ZNF385D: variants seen among roughly 807,000 people sequenced by gnomAD.
ZNF385D encodes the protein zinc finger protein 385D.
In ZNF385D, 15 loss-of-function variants were observed where a neutral mutation model predicts 35.8. The ratio of observed to expected loss-of-function variants is 0.42; its 90% CI spans 0.28 to 0.64. The LOEUF (loss-of-function observed/expected upper bound fraction) is 0.64, where lower values mean the gene tolerates loss of function less well. Among genes scored for constraint, ZNF385D ranks in the 30% least tolerant of loss-of-function variants. The pLI is 0.23. For missense variants in ZNF385D, 474 were observed against 494.6 expected (o/e 0.96, Z 0.39); for synonymous variants, 212 against 186.8 (o/e 1.13, Z -1.10).
Position 21,833,733 on chromosome 3 carries a change from T to C in ZNF385D, c.326-168705A>G, listed in dbSNP as rs185280240. ...ACTTGGAATCAAATGCTACGCTCTATAACTTAGAAATGAAGGACAATAACC... is the reference window on the plus strand; with the variant it reads ...ACTTGGAATCAAATGCTACGCTCTACAACTTAGAAATGAAGGACAATAACC... On this transcript the variant is annotated intron_variant, in intron 3 of 5. Coordinates refer to the ZNF385D transcript ENST00000494108. Among the ~76,000 whole-genome samples the C allele has an allele frequency of 2.0e-5, 3 of 152,284 alleles. No homozygotes were observed. The East Asian group carries it at 5.8e-4, about 29-fold the overall frequency.
At chr3:21,604,231 C>T (rs958565305) in intron 2 of ZNF385D, among the ~76,000 whole-genome samples, 1 of 150,624 alleles carries the variant, frequency 6.6e-6, no homozygotes, top group African/African-American at 2.4e-5. Context: ...ATATGGAGAC[C>T]TATGTTTTTA....
intron 2 of ZNF385D, among the ~76,000 whole-genome samples, chr3:22,308,932 T>C (rs943100498): frequency 3.9e-5 from 6 of 152,098 alleles, no homozygotes; most frequent in Non-Finnish European, 7.4e-5. Flanking sequence ...TGCTTTATAA[T>C]TTAGGAATTT....
chr3:21,898,948 G>T (rs770661104), intron 3 of ZNF385D, among the ~76,000 whole-genome samples: 3 of 152,116 alleles, frequency 2.0e-5, no homozygotes, highest in Admixed American at 1.3e-4. Flanking sequence ...TCATTGGCCA[G>T]AACGGGGTCA....
chr3:22,341,268 C>T (rs754524958), intron 2 of ZNF385D, among the ~76,000 whole-genome samples: 15 of 152,088 alleles, frequency 9.9e-5, no homozygotes, highest in Non-Finnish European at 2.1e-4. Context: ...AATTAGAGTC[C>T]ACAGGCTAAA....
intron 3 of ZNF385D, among the ~76,000 whole-genome samples, chr3:21,558,782 C>T (rs2062833263): frequency 1.3e-5 from 2 of 152,046 alleles, no homozygotes; most frequent in African/African-American, 4.8e-5. Context: ...ATCTAAGTCT[C>T]TTTGTAGGTC....
intron 3 of ZNF385D, among the ~76,000 whole-genome samples, chr3:21,548,267 G>A (rs763511033): frequency 6.6e-6 from 1 of 152,160 alleles, no homozygotes; most frequent in Non-Finnish European, 1.5e-5. Context: ...GGCTGATACT[G>A]TTTCTACCTT....
intron 3 of ZNF385D, among the ~76,000 whole-genome samples, chr3:21,928,285 G>A (rs1198807088): frequency 6.9e-6 from 1 of 145,894 alleles, no homozygotes. Flanking sequence ...AAGAGAGGAA[G>A]GAAGGAAGGA....
chr3:22,361,530 T>A lies in ZNF385D; in HGVS notation c.106+10920A>T, dbSNP rs564977649. Among the ~76,000 whole-genome samples, 15 of 152,196 alleles carry A rather than the reference T, an allele frequency of 9.9e-5. No individual in the cohort carries two copies. The East Asian group carries it at 2.9e-3, about 29-fold the overall frequency. Reference sequence around the variant, plus strand: ...GTTATGAAGCCTATCTTGGAGTACATTTTGAAGCAGTTTTCAAATTAAAGT... The same window carrying A: ...GTTATGAAGCCTATCTTGGAGTACAATTTGAAGCAGTTTTCAAATTAAAGT... On this transcript the variant is annotated intron_variant, in intron 2 of 5. Transcript: ENST00000494108.
intron 2 of ZNF385D, among the ~76,000 whole-genome samples, chr3:22,324,555 A>T (rs1694587371): frequency 6.6e-6 from 1 of 151,450 alleles, no homozygotes; most frequent in Non-Finnish European, 1.5e-5. Flanking sequence ...AATAAAATGA[A>T]AAGATATTTC....
At chr3:22,023,419 A>C (rs1697339651) in intron 3 of ZNF385D, among the ~76,000 whole-genome samples, 1 of 152,286 alleles carries the variant, frequency 6.6e-6, no homozygotes, top group African/African-American at 2.4e-5. Context: ...TTGAAAACCC[A>C]GCGGCATAGA....
chr3:22,251,213 A>G (rs964963706), intron 2 of ZNF385D, among the ~76,000 whole-genome samples: 1 of 152,158 alleles, frequency 6.6e-6, no homozygotes, highest in East Asian at 1.9e-4. Context: ...CGTGAAAAGA[A>G]GAATCCGTTT....
At chr3:22,110,891 A>G (rs947920482) in intron 3 of ZNF385D, among the ~76,000 whole-genome samples, 1 of 152,114 alleles carries the variant, frequency 6.6e-6, no homozygotes, top group South Asian at 2.1e-4. Context: ...CAAGAGAGGT[A>G]TAATTTAGCT....
At position 22,287,970 on chromosome 3, in the gene ZNF385D, G is replaced by A. The variant is rs982115822; in HGVS notation, c.106+84480C>T. Among the ~76,000 whole-genome samples, 5 of 152,060 alleles carry A rather than the reference G, an allele frequency of 3.3e-5. No individual in the cohort carries two copies. In the East Asian group the frequency reaches 9.7e-4, roughly 29 times the overall value. On this transcript the variant is annotated intron_variant, in intron 2 of 5. Coordinates refer to the ZNF385D transcript ENST00000494108. ...GAATAAACTCCCTTAGCTTTTGTTT[G>A]TCTGAGAAAGTCTGTATCATCTCTT...
At chr3:21,997,169 T>C (rs945599994) in intron 3 of ZNF385D, among the ~76,000 whole-genome samples, 2 of 151,968 alleles carry the variant, frequency 1.3e-5, no homozygotes, top group Non-Finnish European at 2.9e-5. Context: ...TATGCAGCTG[T>C]AAAAAAGGGT....
At chr3:21,468,492 C>T (rs1050555411) in intron 4 of ZNF385D, among the ~76,000 whole-genome samples, 4 of 150,240 alleles carry the variant, frequency 2.7e-5, no homozygotes, top group Non-Finnish European at 5.9e-5. Context: ...AAATATGCAT[C>T]ACCATGTAAA....
chr3:21,778,027 C>T (rs902745143), intron 3 of ZNF385D, among the ~76,000 whole-genome samples: 1 of 151,880 alleles, frequency 6.6e-6, no homozygotes. Flanking sequence ...TAATAAGTAA[C>T]TGCTGTTTTA....
At chr3:22,032,232 C>T (rs940065620) in intron 3 of ZNF385D, among the ~76,000 whole-genome samples, 2 of 152,220 alleles carry the variant, frequency 1.3e-5, no homozygotes, top group Non-Finnish European at 2.9e-5. Flanking sequence ...CTGCCAGTTA[C>T]CCAGATCCAA....
At chr3:21,949,554 C>CTTTTTTTT (rs372298558) in intron 3 of ZNF385D, among the ~76,000 whole-genome samples, 1 of 112,908 alleles carries the variant, frequency 8.9e-6, no homozygotes, top group Non-Finnish European at 1.8e-5. Flanking sequence ...TTCTTTCTTT[C>CTTTTTTTT]TTTTTTTTTT....
At chr3:22,009,309 A>G (rs1696418456) in intron 3 of ZNF385D, among the ~76,000 whole-genome samples, 1 of 151,996 alleles carries the variant, frequency 6.6e-6, no homozygotes, top group African/African-American at 2.4e-5. Context: ...ATGGAATATT[A>G]TATATTATAA....
Sources: allele counts gnomAD v4.1 joint callset (sites outside exome capture counted in the v4.1 genomes callset), GRCh38; gene constraint gnomAD v4.1.1; transcripts MANE v1.5; gene names NCBI Gene and HGNC (gene_info 2026-07-23, HGNC 2026-07-21).